Variants in CCDC178 observed in about 807,000 individuals in gnomAD.
The protein encoded by CCDC178 is coiled-coil domain-containing protein 178.
A neutral mutation model predicts 117.4 loss-of-function variants in CCDC178; 126 were observed. That is an observed-to-expected ratio of 1.07 (90% CI 0.93 to 1.24). The LOEUF (loss-of-function observed/expected upper bound fraction) is 1.24. Ranked by LOEUF, CCDC178 falls within the 50% of genes most tolerant of loss-of-function variation. The probability of loss-of-function intolerance (pLI) is 0.00; values close to 1 mark genes in which losing one functional copy is unlikely to be tolerated. For missense variants in CCDC178, 1,030 were observed against 986.9 expected (o/e 1.04, Z -0.59); for synonymous variants, 283 against 313.4 (o/e 0.90, Z 1.02).
chr18:33,360,051 T>C (rs188200737), intron 6 of CCDC178, among the ~76,000 whole-genome samples: 2 of 151,422 alleles, frequency 1.3e-5, no homozygotes, highest in South Asian at 2.1e-4. Flanking sequence ...AACCTTATGT[T>C]AGAAATTTTT....
At chr18:33,283,811 C>G (rs879965101) in intron 12 of CCDC178, among the ~76,000 whole-genome samples, 1 of 152,194 alleles carries the variant, frequency 6.6e-6, no homozygotes, top group Non-Finnish European at 1.5e-5. Context: ...GTTGGTGGGA[C>G]TGTAAATTAG....
chr18:33,169,512 G>A (rs2058572499), intron 20 of CCDC178, among the ~76,000 whole-genome samples: 1 of 152,018 alleles, frequency 6.6e-6, no homozygotes, highest in South Asian at 2.1e-4. Context: ...TCTATTCTTG[G>A]TCTATTACCC....
intron 20 of CCDC178, among the ~76,000 whole-genome samples, chr18:33,096,117 C>T (rs963532799): frequency 8.1e-6 from 1 of 123,448 alleles, no homozygotes; most frequent in Non-Finnish European, 1.7e-5. Context: ...CTACTCCCCA[C>T]CCCCCCCACT....
chr18:32,973,236 G>A (rs1016133828), intron 22 of CCDC178, among the ~76,000 whole-genome samples: 1 of 152,038 alleles, frequency 6.6e-6, no homozygotes, highest in African/African-American at 2.4e-5. Flanking sequence ...ATAATTCACA[G>A]TGAGAATTTA....
chr18:33,158,539 T>C (rs1289686139), intron 20 of CCDC178, among the ~76,000 whole-genome samples: 2 of 151,928 alleles, frequency 1.3e-5, no homozygotes, highest in African/African-American at 4.8e-5. Flanking sequence ...AAAGGGAAAA[T>C]TTTAGACCAA....
chr18:33,243,807 A>G (rs2059515109), intron 15 of CCDC178, among the ~76,000 whole-genome samples: 1 of 151,976 alleles, frequency 6.6e-6, no homozygotes, highest in South Asian at 2.1e-4. Context: ...GTCAATTAGA[A>G]AAATTGAAAT....
At chr18:33,324,603 T>C (rs560236056) in intron 10 of CCDC178, among the ~76,000 whole-genome samples, 1 of 150,540 alleles carries the variant, frequency 6.6e-6, no homozygotes, top group South Asian at 2.1e-4. Context: ...TTTTTCCTAA[T>C]AATATTATTT....
chr18:33,055,862 TGGCACCATG>T (rs1319164264), intron 21 of CCDC178, among the ~76,000 whole-genome samples: 1 of 151,726 alleles, frequency 6.6e-6, no homozygotes, highest in East Asian at 1.9e-4. Context: ...CGGAGTGCAG[TGGCACCATG>T]TTGGCTCCCT....
chr18:33,078,476 C>T (rs1010143211), intron 21 of CCDC178, among the ~76,000 whole-genome samples: 3 of 152,076 alleles, frequency 2.0e-5, no homozygotes, highest in South Asian at 2.1e-4. Context: ...AAACTAGGAA[C>T]GGAGGAAGTC....
chr18:32,945,273 T>C (rs867909046), intron 22 of CCDC178, among the ~76,000 whole-genome samples: 6 of 152,300 alleles, frequency 3.9e-5, no homozygotes, highest in Middle Eastern at 3.4e-3. Flanking sequence ...GTCACATTAC[T>C]TAATAATCTC....
intron 11 of CCDC178, among the ~76,000 whole-genome samples, chr18:33,305,303 T>C (rs905999080): frequency 3.9e-5 from 6 of 152,178 alleles, no homozygotes; most frequent in Admixed American, 3.9e-4. Context: ...ATATCATTGT[T>C]GTGAGGTCAT....
At chr18:32,972,594 G>C (rs2054950749) in intron 22 of CCDC178, among the ~76,000 whole-genome samples, 1 of 151,908 alleles carries the variant, frequency 6.6e-6, no homozygotes, top group Non-Finnish European at 1.5e-5. Flanking sequence ...TTTTAAACAG[G>C]CATGATAAAA....
chr18:33,031,993 TA>T (rs1215759612), intron 21 of CCDC178, among the ~76,000 whole-genome samples: 1 of 152,052 alleles, frequency 6.6e-6, no homozygotes, highest in East Asian at 1.9e-4. Context: ...AAGCCAATCA[TA>T]AAAGATAACA....
intron 8 of CCDC178, among the ~76,000 whole-genome samples, chr18:33,348,204 C>G (rs2062922554): frequency 6.6e-6 from 1 of 151,800 alleles, no homozygotes. Flanking sequence ...ACAAAATATT[C>G]TTGCTTTTAA....
At chr18:33,394,991 A>G (rs1348718255) in intron 4 of CCDC178, among the ~76,000 whole-genome samples, 1 of 135,356 alleles carries the variant, frequency 7.4e-6, no homozygotes, top group African/African-American at 2.7e-5. Context: ...ATATATATGT[A>G]TACATATATG....
chr18:33,066,957 A>T (rs535065761), intron 21 of CCDC178, among the ~76,000 whole-genome samples: 1 of 152,346 alleles, frequency 6.6e-6, no homozygotes, highest in African/African-American at 2.4e-5. Flanking sequence ...GAGACAAAAA[A>T]TCAACAAGGA....
In CCDC178 at chr18:33,226,740, A is replaced by C. The variant is rs963582477; in HGVS notation, c.1656+53T>G. 2.0e-5 allele frequency: 25 copies of C among 1,278,708 alleles called. No individual in the cohort carries two copies. The Admixed American group carries it at 2.2e-4, about 11-fold the overall frequency. The allele number at this position is 1,278,708 out of a possible 1,614,324, so 79.2% of individuals were successfully genotyped here. On this transcript the variant is annotated intron_variant, in intron 16 of 22. Coordinates refer to ENST00000383096, the MANE Select transcript of CCDC178 (RefSeq NM_001105528.4). ...CATTACAGGCAAATTTAAAATGCTA[A>C]GTAAAATGCAAATTAAAGGAAGAAT...
chr18:33,056,002 C>A (rs2056824081), intron 21 of CCDC178, among the ~76,000 whole-genome samples: 1 of 152,030 alleles, frequency 6.6e-6, no homozygotes, highest in South Asian at 2.1e-4. Flanking sequence ...AGGGTTTCAC[C>A]ATGTTGACCA....
intron 21 of CCDC178, among the ~76,000 whole-genome samples, chr18:33,091,312 A>C (rs2057458338): frequency 1.3e-5 from 1 of 78,002 alleles, no homozygotes; most frequent in Non-Finnish European, 3.1e-5. Context: ...TCCCAAACAC[A>C]CTTATTTCAT....
Sources: gnomAD v4.1 joint callset for allele counts (sites outside exome capture counted in the v4.1 genomes callset) on GRCh38, gnomAD v4.1.1 for gene constraint, MANE v1.5 for transcripts, NCBI Gene and HGNC (gene_info 2026-07-23, HGNC 2026-07-21) for gene names.